Variants in ZEB2 observed in about 807,000 individuals in gnomAD.
The protein encoded by ZEB2 is zinc finger E-box-binding homeobox 2.
Under a neutral mutation model 99.9 loss-of-function variants are expected in ZEB2, and 6 were observed. The ratio of observed to expected loss-of-function variants is 0.06; its 90% confidence interval spans 0.03 to 0.12. The LOEUF (loss-of-function observed/expected upper bound fraction) is 0.12. ZEB2 is among the 10% of genes least tolerant of loss of function. The pLI, the probability that ZEB2 is intolerant of heterozygous loss-of-function variation, is 1.00. For synonymous variants in ZEB2, 517 were observed against 542.5 expected, an observed-to-expected ratio of 0.95 and a Z score of 0.65; for missense variants, 969 against 1,502.8, an observed-to-expected ratio of 0.64 and a Z score of 5.87.
chr2:144,417,741 G>T (rs1703559957), intron 4 of ZEB2, among the ~76,000 whole-genome samples: 1 of 152,082 alleles, frequency 6.6e-6, no homozygotes, highest in African/African-American at 2.4e-5. Context: ...ACTACAGTTA[G>T]ATAGGAGAAA....
Position 144,385,591 on chromosome 2 carries a change from A to T in ZEB2, c.*3860T>A, listed in dbSNP as rs1703071050. 2.0e-5 allele frequency: 3 copies of T among 152,184 alleles called. No homozygotes were observed. The highest frequency in any genetic ancestry group is 4.4e-5 in the Non-Finnish European group (3 of 68,030). 9.4% of individuals were successfully genotyped at this position (152,184 alleles called of 1,614,324 possible). A position where few individuals can be genotyped will look rare whatever the true frequency, so the allele number is the denominator to read the frequency against. On this transcript the variant is annotated 3_prime_UTR_variant, in exon 10 of 10. Coordinates refer to ENST00000627532, the MANE Select transcript of ZEB2 (RefSeq NM_014795.4). ...CATGTACATGGGATCACATAGTCAA[A>T]TAAATGCAGCTGTGTTTATTACAAT... is the stretch of plus-strand genomic sequence containing the variant.
At chr2:144,439,133 G>GAAAAA (rs1174940162) in intron 2 of ZEB2, among the ~76,000 whole-genome samples, 8 of 79,682 alleles carry the variant, frequency 1.0e-4, no homozygotes, top group Non-Finnish European at 5.3e-5. Context: ...CTGGGAGGAA[G>GAAAAA]AAAAAAAAAA....
intron 2 of ZEB2, among the ~76,000 whole-genome samples, chr2:144,438,477 G>T (rs1167956668): frequency 6.6e-6 from 1 of 151,888 alleles, no homozygotes; most frequent in East Asian, 1.9e-4. Flanking sequence ...AAGTAGGGGG[G>T]CTGGAGATCT....
Position 144,457,631 on chromosome 2 carries a change from G to GCA in ZEB2, c.74-27606_74-27605insTG, listed in dbSNP as rs1246698302. 2.4e-4 allele frequency among the ~76,000 whole-genome samples: 36 copies of GCA among 152,276 alleles called. No homozygotes were observed. The East Asian group carries it at 6.2e-3, about 26-fold the overall frequency. ...GAAAAAGCAAGTTAGATATAAGGAA[G>GCA]AGGACCTGGTATGTAACAGGTATTA... On this transcript the variant is annotated intron_variant, in intron 2 of 9. Coordinates refer to ENST00000627532, the MANE Select transcript of ZEB2 (RefSeq NM_014795.4).
intron 4 of ZEB2, among the ~76,000 whole-genome samples, chr2:144,420,016 C>T (rs1281207359): frequency 6.6e-6 from 1 of 152,170 alleles, no homozygotes; most frequent in Non-Finnish European, 1.5e-5. Context: ...TACTTAGTCT[C>T]CTCCACAGAG....
At chr2:144,487,144 C>A (rs1704610191) in intron 2 of ZEB2, among the ~76,000 whole-genome samples, 1 of 152,042 alleles carries the variant, frequency 6.6e-6, no homozygotes, top group East Asian at 1.9e-4. Flanking sequence ...ATGTTTTTAT[C>A]TCTCTGCTTT....
At chr2:144,431,471 A>G (rs1703769025) in intron 2 of ZEB2, among the ~76,000 whole-genome samples, 1 of 151,898 alleles carries the variant, frequency 6.6e-6, no homozygotes, top group East Asian at 2.0e-4. Context: ...TGATCTTTGT[A>G]TAATCCGCGG....
At chr2:144,499,689 T>C (rs2149924594) in intron 2 of ZEB2, among the ~76,000 whole-genome samples, 1 of 152,324 alleles carries the variant, frequency 6.6e-6, no homozygotes, top group Middle Eastern at 3.4e-3. Context: ...ATTTATTGGA[T>C]TGGTTAATAG....
chr2:144,388,847 G>T lies in ZEB2; in HGVS notation c.*604C>A. 1 of 456,204 alleles carries T rather than the reference G, an allele frequency of 2.2e-6. No individual in the cohort carries two copies. 28.3% of individuals were successfully genotyped at this position (456,204 alleles called of 1,614,324 possible). A position where few individuals can be genotyped will look rare whatever the true frequency, so the allele number is the denominator to read the frequency against. On this transcript the variant is annotated 3_prime_UTR_variant, in exon 10 of 10. Coordinates refer to ENST00000627532, the MANE Select transcript of ZEB2 (RefSeq NM_014795.4). This position sits in a 1 kb window ranked among gnomAD's most constrained non-coding sequence, Gnocchi z 5.4. Reference sequence around the variant, plus strand: ...CACGTCCAGGTCACTTTAAGACTTCGGTATCTTAAATTCACACATGCATCA... The same window carrying T: ...CACGTCCAGGTCACTTTAAGACTTCTGTATCTTAAATTCACACATGCATCA...
At chr2:144,466,707 A>G (rs1240747111) in intron 2 of ZEB2, among the ~76,000 whole-genome samples, 1 of 152,216 alleles carries the variant, frequency 6.6e-6, no homozygotes, top group Non-Finnish European at 1.5e-5. Flanking sequence ...TAAAACCTCA[A>G]ACGGAGTAAA....
chr2:144,499,374 T>G (rs1356901503), intron 2 of ZEB2, among the ~76,000 whole-genome samples: 1 of 152,208 alleles, frequency 6.6e-6, no homozygotes, highest in Non-Finnish European at 1.5e-5. Flanking sequence ...AAATACAGCG[T>G]AAATAGAAAT....
chr2:144,508,801 T>C (rs1265348180), intron 2 of ZEB2, among the ~76,000 whole-genome samples: 2 of 152,062 alleles, frequency 1.3e-5, no homozygotes, highest in Admixed American at 1.3e-4. Context: ...GAAGCCCCTT[T>C]CTTCATCACA....
intron 2 of ZEB2, among the ~76,000 whole-genome samples, chr2:144,430,250 T>G (rs541580994): frequency 6.6e-6 from 1 of 152,160 alleles, no homozygotes; most frequent in Non-Finnish European, 1.5e-5. Flanking sequence ...CTAAAAATGA[T>G]GGGAAATTCT....
At chr2:144,488,858 T>C (rs1206203044) in intron 2 of ZEB2, among the ~76,000 whole-genome samples, 1 of 152,196 alleles carries the variant, frequency 6.6e-6, no homozygotes, top group Non-Finnish European at 1.5e-5. Context: ...TGGTTACTTT[T>C]AACATATAGT....
rs75706490 is a variant in ZEB2 at position 144,479,683 on chromosome 2, T to TG, written c.73+37594dup. The stretch of plus-strand genomic sequence containing the variant: ...AGTGAGTGTGTATGCTACTTTTTTT[T>TG]GGGGGGGGGGGCGGGGGGTGGACTT... On this transcript the variant is annotated intron_variant, in intron 2 of 9. Coordinates refer to ENST00000627532, the MANE Select transcript of ZEB2 (RefSeq NM_014795.4). 3.6e-3 allele frequency among the ~76,000 whole-genome samples: 191 copies of TG among 52,582 alleles called. 8 individuals carry two copies. Among genetic ancestry groups the TG allele is most frequent in the Non-Finnish European group, 5.4e-3 (125 of 23,206 alleles). The allele number at this position is 52,582 out of a possible 152,430, so 34.5% of individuals were successfully genotyped here. A position where few individuals can be genotyped will look rare whatever the true frequency, so the allele number is the denominator to read the frequency against.
intron 2 of ZEB2, among the ~76,000 whole-genome samples, chr2:144,453,116 T>C (rs930626530): frequency 1.3e-5 from 2 of 152,222 alleles, no homozygotes; most frequent in East Asian, 1.9e-4. Context: ...ACAAACAATC[T>C]GTTAATACAA....
chr2:144,392,870 C>T (rs1573710422), intron 9 of ZEB2, among the ~76,000 whole-genome samples: 1 of 152,028 alleles, frequency 6.6e-6, no homozygotes, highest in South Asian at 2.1e-4. Context: ...CACCTGACAG[C>T]TAGAATGGTA....
chr2:144,390,083 T>C, intron 9 of ZEB2, 55 bp from the exon 10 acceptor site: 1 of 1,573,960 alleles, frequency 6.4e-7, no homozygotes, highest in Non-Finnish European at 8.6e-7. Context: ...GAAGTCTCTT[T>C]CCACTAATTC....
chr2:144,482,407 T>C (rs1358117735), intron 2 of ZEB2: 2 of 152,228 alleles, frequency 1.3e-5, no homozygotes, highest in Admixed American at 6.5e-5. Context: ...CATCCAAAGA[T>C]TTCTCTTACT....
Sources: allele counts gnomAD v4.1 joint callset (sites outside exome capture counted in the v4.1 genomes callset), GRCh38; gene constraint gnomAD v4.1.1; non-coding constraint Gnocchi (gnomAD v3.1); transcripts MANE v1.5; gene names NCBI Gene and HGNC (gene_info 2026-07-23, HGNC 2026-07-21).